Variants in SDK1 observed in about 807,000 individuals in gnomAD.
SDK1 encodes the protein protein sidekick-1.
SDK1 carries 157 observed loss-of-function variants against 245.5 expected under a neutral mutation model. The ratio of observed to expected loss-of-function variants is 0.64; its 90% CI spans 0.56 to 0.73. The LOEUF (loss-of-function observed/expected upper bound fraction) is 0.73, where lower values mean the gene tolerates loss of function less well. Among genes scored for constraint, SDK1 ranks in the 30% least tolerant of loss-of-function variants. The probability of loss-of-function intolerance (pLI) is 0.00; values close to 1 mark genes in which losing one functional copy is unlikely to be tolerated. For missense variants in SDK1, 3,583 were observed against 3,002.3 expected (o/e 1.19, Z -4.52); for synonymous variants, 1,647 against 1,278.5 (o/e 1.29, Z -6.15).
rs916939787 is a variant in SDK1, at chr7:4,213,747, C to T, written c.5539+3585C>T. Among the ~76,000 whole-genome samples the T allele has an allele frequency of 2.0e-5, 3 of 152,314 alleles. No individual in the cohort carries two copies. The South Asian group carries it at 6.2e-4, about 32-fold the overall frequency. On this transcript the variant is annotated intron_variant, in intron 38 of 44. Coordinates refer to ENST00000404826, the MANE Select transcript of SDK1 (RefSeq NM_152744.4). Reference sequence around the variant, plus strand: ...CTTCTACCAAACCTTCCCCCTAGCCCAGTCTCCCAGACACAAGACCCTGCA... The same window carrying T: ...CTTCTACCAAACCTTCCCCCTAGCCTAGTCTCCCAGACACAAGACCCTGCA...
At chr7:3,384,466 A>C (rs1287415678) in intron 1 of SDK1, among the ~76,000 whole-genome samples, 1 of 152,242 alleles carries the variant, frequency 6.6e-6, no homozygotes, top group Non-Finnish European at 1.5e-5. Context: ...GAAGAGTCAC[A>C]GTGTATACTC....
rs116912135 is a variant in SDK1 at position 4,016,935 on chromosome 7, C to T, written c.2421-236C>T. ...TAAAAAGCTGTAATTTTTTCTTAAC[C>T]GTTATGTAGTTGAAATGTCAGTTCC... On this transcript the variant is annotated intron_variant, in intron 16 of 44. Transcript: ENST00000404826. Among the ~76,000 whole-genome samples the T allele has an allele frequency of 1.9e-3, 287 of 152,274 alleles. 1 individual carries two copies. The highest frequency in any genetic ancestry group is 6.8e-3 in the Middle Eastern group (2 of 294).
chr7:4,268,917 A>G lies in SDK1; in HGVS notation c.*3533A>G, dbSNP rs181585044. On this transcript the variant is annotated 3_prime_UTR_variant, in exon 45 of 45. Transcript: ENST00000404826. ...TTGTGCAGAAAAACAGATCTCATTA[A>G]AAGAAAAAAAGAAACAACTTGTAGG... The G allele has an allele frequency of 2.0e-5, 7 of 348,438 alleles. No homozygotes were observed. In the East Asian group the frequency reaches 5.1e-4, roughly 25 times the overall value. 21.6% of individuals were successfully genotyped at this position (348,438 alleles called of 1,614,324 possible). A position where few individuals can be genotyped will look rare whatever the true frequency, so the allele number is the denominator to read the frequency against.
chr7:3,787,074 A>G (rs534647122), intron 4 of SDK1, among the ~76,000 whole-genome samples: 27 of 152,136 alleles, frequency 1.8e-4, no homozygotes, highest in Non-Finnish European at 2.9e-4. Flanking sequence ...CAGGTTGGAA[A>G]TAGGAAATGA....
At chr7:3,527,826 G>T (rs1048492597) in intron 1 of SDK1, among the ~76,000 whole-genome samples, 9 of 151,184 alleles carry the variant, frequency 6.0e-5, no homozygotes, top group African/African-American at 2.2e-4. Flanking sequence ...AAGGTTGGAT[G>T]ATAGTCAGCT....
At chr7:3,686,166 C>G (rs1429979324) in intron 4 of SDK1, among the ~76,000 whole-genome samples, 3 of 152,192 alleles carry the variant, frequency 2.0e-5, no homozygotes, top group African/African-American at 4.8e-5. Flanking sequence ...ACCTCTACCT[C>G]CTGGGTTCAA....
In SDK1 at chr7:3,365,687, A is replaced by G. The variant is rs149960690; in HGVS notation, c.298+63803A>G. On this transcript the variant is annotated intron_variant, in intron 1 of 44. Transcript: ENST00000404826. The stretch of plus-strand genomic sequence containing the variant: ...TTTTGAAGGGCATAGTCCTTTCAAT[A>G]TATACTGCTGAGGATGTAGAGACAG... 2.5e-3 allele frequency among the ~76,000 whole-genome samples: 382 copies of G among 152,320 alleles called. 5 individuals are homozygous for G. Among genetic ancestry groups the G allele is most frequent in the African/African-American group, 8.8e-3 (366 of 41,562 alleles).
At chr7:3,816,683 A>G (rs997640384) in intron 4 of SDK1, among the ~76,000 whole-genome samples, 4 of 152,236 alleles carry the variant, frequency 2.6e-5, no homozygotes, top group African/African-American at 7.2e-5. Context: ...AGGAATTGAA[A>G]GCAATTTTAG....
chr7:4,103,693 G>A (rs1782723047), intron 22 of SDK1, among the ~76,000 whole-genome samples: 1 of 152,228 alleles, frequency 6.6e-6, no homozygotes, highest in Non-Finnish European at 1.5e-5. Context: ...CCCTGGGAGA[G>A]ATGCTGGAGG....
intron 25 of SDK1, among the ~76,000 whole-genome samples, chr7:4,122,288 C>G (rs1784116196): frequency 6.6e-6 from 1 of 152,118 alleles, no homozygotes; most frequent in African/African-American, 2.4e-5. Flanking sequence ...CTCTCCCCAG[C>G]AGAAAACTCG....
intron 17 of SDK1, among the ~76,000 whole-genome samples, chr7:4,023,626 T>C (rs1255843765): frequency 1.3e-5 from 2 of 152,110 alleles, no homozygotes; most frequent in Non-Finnish European, 2.9e-5. Flanking sequence ...TATAACCGAG[T>C]GCCCAGTATA....
chr7:3,973,375 C>T (rs1782640001), intron 12 of SDK1, among the ~76,000 whole-genome samples: 4 of 152,226 alleles, frequency 2.6e-5, no homozygotes, highest in Admixed American at 6.5e-5. Context: ...AGAAAAACAG[C>T]ACTTTCATTC....
At chr7:3,774,949 T>TC (rs1302385584) in intron 4 of SDK1, among the ~76,000 whole-genome samples, 1 of 152,168 alleles carries the variant, frequency 6.6e-6, no homozygotes. Flanking sequence ...GGGTCCTCTG[T>TC]GGAAGGTGCG....
chr7:3,716,133 A>T (rs1365259301), intron 4 of SDK1, among the ~76,000 whole-genome samples: 1 of 151,510 alleles, frequency 6.6e-6, no homozygotes, highest in Non-Finnish European at 1.5e-5. Context: ...AAAAAAAATG[A>T]ACAGAGGCTC....
At chr7:3,907,630 C>T (rs1029613746) in intron 5 of SDK1, among the ~76,000 whole-genome samples, 1 of 152,174 alleles carries the variant, frequency 6.6e-6, no homozygotes, top group Non-Finnish European at 1.5e-5. Context: ...GGATATATCC[C>T]TAAGAGTGCG....
rs143211576 is a variant in SDK1, at chr7:3,882,872, C to T, written c.847+61289C>T. Among the ~76,000 whole-genome samples the T allele has an allele frequency of 6.4e-3, 975 of 152,244 alleles. 11 individuals are homozygous for T. Among genetic ancestry groups the T allele is most frequent in the African/African-American group, 0.022 (921 of 41,532 alleles). On this transcript the variant is annotated intron_variant, in intron 5 of 44. Transcript: ENST00000404826. ...TGCTTCCTCTGAGTTACTCTATTGACGCAGAAAACAATTTAGTCATGCATA... is the reference window on the plus strand; with the variant it reads ...TGCTTCCTCTGAGTTACTCTATTGATGCAGAAAACAATTTAGTCATGCATA...
rs546912150 is a variant in SDK1 at position 3,621,967 on chromosome 7, T to C, written c.458+2728T>C. 5.3e-4 allele frequency among the ~76,000 whole-genome samples: 81 copies of C among 152,360 alleles called. 1 individual carries two copies. Among genetic ancestry groups the C allele is most frequent in the African/African-American group, 1.8e-3 (76 of 41,592 alleles). On this transcript the variant is annotated intron_variant, in intron 2 of 44. Coordinates refer to ENST00000404826, the MANE Select transcript of SDK1 (RefSeq NM_152744.4). ...AGTATTTAATAAGTCACATGAGATA[T>C]TCAACAGTTTATTATAAAGCAGGCT... is the stretch of plus-strand genomic sequence containing the variant.
In SDK1 at chr7:3,759,736, G is replaced by A. The variant is rs1235687264; in HGVS notation, c.714-61714G>A. Among the ~76,000 whole-genome samples, 4 of 151,682 alleles carry A rather than the reference G, an allele frequency of 2.6e-5. No individual in the cohort carries two copies. The East Asian group carries it at 7.8e-4, about 29-fold the overall frequency. ...CCTCCTGAGTAGCTGGGACTACAGG[G>A]GCATGCCACCATGCCTGGCTAATTT... On this transcript the variant is annotated intron_variant, in intron 4 of 44. Coordinates refer to ENST00000404826, the MANE Select transcript of SDK1 (RefSeq NM_152744.4).
chr7:3,593,619 A>T (rs1290794033), intron 1 of SDK1, among the ~76,000 whole-genome samples: 1 of 152,170 alleles, frequency 6.6e-6, no homozygotes, highest in Non-Finnish European at 1.5e-5. Flanking sequence ...CTTACTGGGG[A>T]ACCTCTTGAG....
Sources: gnomAD v4.1 joint callset for allele counts (sites outside exome capture counted in the v4.1 genomes callset) on GRCh38, gnomAD v4.1.1 for gene constraint, MANE v1.5 for transcripts, NCBI Gene and HGNC (gene_info 2026-07-23, HGNC 2026-07-21) for gene names.